Variants in MAGI3 observed in about 807,000 individuals in gnomAD.
MAGI3 encodes the protein membrane-associated guanylate kinase, WW and PDZ domain-containing protein 3.
A neutral mutation model predicts 121.8 loss-of-function variants in MAGI3; 43 were observed. The ratio of observed to expected loss-of-function variants is 0.35; its 90% CI spans 0.28 to 0.46. The LOEUF (loss-of-function observed/expected upper bound fraction) is 0.46. Among genes scored for constraint, MAGI3 ranks in the 20% least tolerant of loss-of-function variants. The probability of loss-of-function intolerance (pLI) is 1.00; values close to 1 mark genes in which losing one functional copy is unlikely to be tolerated. For synonymous variants in MAGI3, 553 were observed against 639.3 expected, an observed-to-expected ratio of 0.86 and a Z score of 2.04; for missense variants, 1,547 against 1,797.3, an observed-to-expected ratio of 0.86 and a Z score of 2.52.
At chr1:113,432,575 C>T (rs546585369) in intron 1 of MAGI3, among the ~76,000 whole-genome samples, 12 of 151,050 alleles carry the variant, frequency 7.9e-5, no homozygotes, top group South Asian at 2.1e-4. Context: ...TATATGTTTC[C>T]GAGACAGGAC....
At chr1:113,515,941 G>T (rs113381680) in intron 1 of MAGI3, among the ~76,000 whole-genome samples, 14 of 151,968 alleles carry the variant, frequency 9.2e-5, no homozygotes, top group Non-Finnish European at 2.1e-4. Flanking sequence ...TTTTGAACTG[G>T]GTAATTAATT....
chr1:113,646,758 A>T (rs370141087), intron 12 of MAGI3, 116 bp downstream of exon 12: 2 of 764,964 alleles, frequency 2.6e-6, no homozygotes, highest in East Asian at 2.7e-5. Flanking sequence ...CTTCATTACC[A>T]TTTTAATAGA....
intron 2 of MAGI3, among the ~76,000 whole-genome samples, chr1:113,558,878 C>T (rs955894598): frequency 6.6e-6 from 1 of 152,206 alleles, no homozygotes; most frequent in African/African-American, 2.4e-5. Context: ...TCAGCAGAAA[C>T]CCTGCAAGCC....
intron 12 of MAGI3, among the ~76,000 whole-genome samples, chr1:113,647,667 A>C (rs1019426104): frequency 1.3e-5 from 2 of 152,194 alleles, no homozygotes; most frequent in African/African-American, 2.4e-5. Flanking sequence ...GATATGTACA[A>C]GTGGAATATA....
At chr1:113,436,625 C>G (rs550851551) in intron 1 of MAGI3, among the ~76,000 whole-genome samples, 1 of 152,046 alleles carries the variant, frequency 6.6e-6, no homozygotes, top group Admixed American at 6.5e-5. Context: ...GTTAATAGTT[C>G]ATGGAGGATG....
At chr1:113,398,925 A>C (rs572150443) in intron 1 of MAGI3, among the ~76,000 whole-genome samples, 46 of 152,204 alleles carry the variant, frequency 3.0e-4, no homozygotes, top group African/African-American at 1.1e-3. Flanking sequence ...CTTAATTTAC[A>C]TATCAGTTTC....
At chr1:113,458,305 G>A (rs1193068513) in intron 1 of MAGI3, among the ~76,000 whole-genome samples, 1 of 152,058 alleles carries the variant, frequency 6.6e-6, no homozygotes, top group Non-Finnish European at 1.5e-5. Context: ...GTCAAGGATG[G>A]CCCTAATTTT....
chr1:113,568,315 A>C (rs183573101), intron 2 of MAGI3, among the ~76,000 whole-genome samples: 105 of 152,226 alleles, frequency 6.9e-4, no homozygotes, highest in African/African-American at 2.5e-3. Context: ...ATGAAACGTA[A>C]GTCCTCTATA....
intron 1 of MAGI3, among the ~76,000 whole-genome samples, chr1:113,426,750 CCTTTTA>C (rs1653026865): frequency 6.6e-6 from 1 of 151,838 alleles, no homozygotes; most frequent in Non-Finnish European, 1.5e-5. Context: ...TTTTTTTTAT[CCTTTTA>C]CTTTTAGCTT....
At chr1:113,413,261 T>C (rs1557741884) in intron 1 of MAGI3, among the ~76,000 whole-genome samples, 1 of 152,240 alleles carries the variant, frequency 6.6e-6, no homozygotes, top group Non-Finnish European at 1.5e-5. Context: ...ACAAGTACCA[T>C]GCTGTTTTGG....
chr1:113,463,638 T>C (rs1424783790), intron 1 of MAGI3, among the ~76,000 whole-genome samples: 1 of 151,958 alleles, frequency 6.6e-6, no homozygotes, highest in Non-Finnish European at 1.5e-5. Context: ...AGATAAGCAA[T>C]AGAGGCAAAT....
rs1294184582 is a variant in MAGI3 at position 113,633,452 on chromosome 1, G to A, written c.1361-8459G>A. ...AATTTTTTGTATTTTTAGTAGAGAC[G>A]GGGTTTCACCGTTTTAGCCGGGATG... On this transcript the variant is annotated intron_variant, in intron 9 of 20. Transcript: ENST00000307546. 4.0e-5 allele frequency among the ~76,000 whole-genome samples: 6 copies of A among 150,618 alleles called. No homozygotes were observed. The East Asian group carries it at 1.2e-3, about 30-fold the overall frequency.
chr1:113,477,315 A>G (rs1297088368), intron 1 of MAGI3, among the ~76,000 whole-genome samples: 1 of 152,146 alleles, frequency 6.6e-6, no homozygotes, highest in East Asian at 1.9e-4. Context: ...CAGTTTCTTT[A>G]TAGCATCGAT....
At chr1:113,542,788 AAG>A (rs572506728) in intron 1 of MAGI3, among the ~76,000 whole-genome samples, 78 of 152,274 alleles carry the variant, frequency 5.1e-4, no homozygotes, top group Non-Finnish European at 9.4e-4. Flanking sequence ...CACACAGAGA[AAG>A]AGAGAGGGAG....
Position 113,683,138 on chromosome 1 carries a change from TGTGA to T in MAGI3, c.3573_3576del (p.Ser1192ArgfsTer17), listed in dbSNP as rs764471393. 1.2e-5 allele frequency: 19 copies of T among 1,612,664 alleles called. No individual in the cohort carries two copies. The highest frequency in any genetic ancestry group is 7.7e-5 in the South Asian group (7 of 90,776). On this transcript the variant is annotated frameshift_variant, in exon 21 of 21. Coordinates refer to ENST00000307546, the MANE Select transcript of MAGI3 (RefSeq NM_001142782.2). LOFTEE classifies it low-confidence loss of function (END_TRUNC). ...AGCATCAGTCTCTTCTCCAGAAAAA[TGTGA>T]GTAAGAGGGATCCACCCAGCAGTCA... is the stretch of plus-strand genomic sequence containing the variant.
At chr1:113,437,880 C>T (rs371088378) in intron 1 of MAGI3, among the ~76,000 whole-genome samples, 2,814 of 15,544 alleles carry the variant, frequency 0.18, 164 homozygotes, top group South Asian at 0.25. Flanking sequence ...TTCTTCTTCT[C>T]CTTCTCCTTC....
At chr1:113,533,265 C>G (rs1339970397) in intron 1 of MAGI3, among the ~76,000 whole-genome samples, 1 of 152,156 alleles carries the variant, frequency 6.6e-6, no homozygotes, top group Non-Finnish European at 1.5e-5. Flanking sequence ...ATAAAATGAA[C>G]AAAATCATGT....
intron 2 of MAGI3, among the ~76,000 whole-genome samples, chr1:113,556,312 C>G (rs1659991616): frequency 6.6e-6 from 1 of 152,112 alleles, no homozygotes; most frequent in South Asian, 2.1e-4. Context: ...TCTAGCTAGA[C>G]TGCTTAGGAA....
At chr1:113,588,868 AG>A (rs765885917) in intron 4 of MAGI3, among the ~76,000 whole-genome samples, 3 of 152,162 alleles carry the variant, frequency 2.0e-5, no homozygotes, top group Non-Finnish European at 4.4e-5. Context: ...TTTGGTGTAA[AG>A]AGGAGAGAAA....
Sources: allele counts gnomAD v4.1 joint callset (sites outside exome capture counted in the v4.1 genomes callset), GRCh38; gene constraint gnomAD v4.1.1; transcripts MANE v1.5; gene names NCBI Gene and HGNC (gene_info 2026-07-23, HGNC 2026-07-21).